Variants in PTPRG observed in about 807,000 individuals in gnomAD.
The protein encoded by PTPRG is receptor-type tyrosine-protein phosphatase gamma.
A neutral mutation model predicts 165.3 loss-of-function variants in PTPRG; 102 were observed. That is an observed-to-expected ratio of 0.62 (90% CI 0.53 to 0.73). PTPRG has a LOEUF of 0.73. PTPRG is among the 30% of genes least tolerant of loss of function. The pLI, the probability that PTPRG is intolerant of heterozygous loss-of-function variation, is 0.00. For synonymous variants in PTPRG, 675 were observed against 669.5 expected, an observed-to-expected ratio of 1.01 and a Z score of -0.13; for missense variants, 1,866 against 1,861.4, an observed-to-expected ratio of 1.00 and a Z score of -0.05.
At chr3:61,924,333 C>T (rs1256282752) in intron 2 of PTPRG, among the ~76,000 whole-genome samples, 1 of 152,202 alleles carries the variant, frequency 6.6e-6, no homozygotes, top group Non-Finnish European at 1.5e-5. Flanking sequence ...ATCCTGCCTA[C>T]CACCAGCCCA....
intron 1 of PTPRG, among the ~76,000 whole-genome samples, chr3:61,692,600 G>A (rs1330962316): frequency 6.6e-6 from 1 of 152,066 alleles, no homozygotes; most frequent in Non-Finnish European, 1.5e-5. Flanking sequence ...GGGTGGGGCC[G>A]TTTTATAGGA....
intron 1 of PTPRG, among the ~76,000 whole-genome samples, chr3:61,703,605 C>T (rs147203863): frequency 6.8e-4 from 103 of 152,290 alleles, no homozygotes; most frequent in Non-Finnish European, 1.2e-3. Context: ...TTAGTTTCTC[C>T]TGCCTCGCTC....
intron 14 of PTPRG, among the ~76,000 whole-genome samples, chr3:62,236,464 C>A (rs944367908): frequency 2.0e-5 from 3 of 152,096 alleles, no homozygotes; most frequent in African/African-American, 7.2e-5. Flanking sequence ...GATATTAATG[C>A]GATTTCTTTT....
intron 16 of PTPRG, among the ~76,000 whole-genome samples, chr3:62,258,843 C>T (rs1281097190): frequency 2.6e-5 from 4 of 152,124 alleles, no homozygotes; most frequent in Non-Finnish European, 5.9e-5. Flanking sequence ...AGTAGTTTCC[C>T]AGAGTAGTAT....
chr3:62,166,958 T>C (rs867532535), intron 7 of PTPRG, among the ~76,000 whole-genome samples: 3 of 152,124 alleles, frequency 2.0e-5, no homozygotes, highest in Admixed American at 6.5e-5. Context: ...GCTGGAATTA[T>C]AGGCTTGAGT....
chr3:61,726,187 A>C (rs2106811656), intron 1 of PTPRG, among the ~76,000 whole-genome samples: 1 of 152,308 alleles, frequency 6.6e-6, no homozygotes, highest in Non-Finnish European at 1.5e-5. Flanking sequence ...TCTTATCTTC[A>C]GACTTCAGTC....
intron 5 of PTPRG, among the ~76,000 whole-genome samples, chr3:62,114,231 G>A (rs1054143925): frequency 1.6e-4 from 24 of 152,064 alleles, no homozygotes; most frequent in African/African-American, 2.7e-4. Flanking sequence ...CTTGGGAGGC[G>A]GAGGTTGTAG....
chr3:61,980,151 A>G (rs1318290577), intron 2 of PTPRG, among the ~76,000 whole-genome samples: 1 of 152,214 alleles, frequency 6.6e-6, no homozygotes, highest in African/African-American at 2.4e-5. Flanking sequence ...ATACAAAGAA[A>G]GGAAATCCTG....
intron 1 of PTPRG, among the ~76,000 whole-genome samples, chr3:61,603,583 A>G (rs2106853154): frequency 6.6e-6 from 1 of 152,298 alleles, no homozygotes; most frequent in Middle Eastern, 3.4e-3. Flanking sequence ...ACCATTACAA[A>G]ATGCTACAAA....
chr3:61,886,662 A>G (rs1312800179), intron 2 of PTPRG, among the ~76,000 whole-genome samples: 2 of 152,162 alleles, frequency 1.3e-5, no homozygotes, highest in Admixed American at 6.5e-5. Context: ...GGGCTGTTTG[A>G]TGCAAGACAT....
At chr3:61,890,347 C>T (rs6445240) in intron 2 of PTPRG, among the ~76,000 whole-genome samples, 24,011 of 149,466 alleles carry the variant, frequency 0.16, 4,038 homozygotes, top group African/African-American at 0.43. Flanking sequence ...AAGCGCAGCA[C>T]TTTGCTGTGC....
intron 1 of PTPRG, among the ~76,000 whole-genome samples, chr3:61,629,612 G>A (rs1347748003): frequency 6.6e-6 from 1 of 152,360 alleles, no homozygotes; most frequent in South Asian, 2.1e-4. Flanking sequence ...CCACGGTGTA[G>A]TAGAGAGAGG....
intron 8 of PTPRG, among the ~76,000 whole-genome samples, chr3:62,168,768 G>T (rs968028086): frequency 6.6e-6 from 1 of 152,176 alleles, no homozygotes; most frequent in Admixed American, 6.5e-5. Flanking sequence ...CAGCCTTGCC[G>T]TCTGTGGACA....
chr3:62,234,972 A>G (rs1700994604), intron 14 of PTPRG, among the ~76,000 whole-genome samples: 1 of 152,022 alleles, frequency 6.6e-6, no homozygotes, highest in Non-Finnish European at 1.5e-5. Flanking sequence ...TTTTAAAAAA[A>G]ATACTGTAAT....
chr3:62,270,380 T>C (rs1702021521), intron 20 of PTPRG, among the ~76,000 whole-genome samples: 1 of 152,194 alleles, frequency 6.6e-6, no homozygotes, highest in African/African-American at 2.4e-5. Context: ...ATAACATGAA[T>C]ATCAGTAGCA....
chr3:61,879,848 C>G (rs2037837081), intron 2 of PTPRG, among the ~76,000 whole-genome samples: 1 of 152,144 alleles, frequency 6.6e-6, no homozygotes, highest in African/African-American at 2.4e-5. Context: ...TATTTTTATC[C>G]TAGCTCAGCT....
chr3:61,621,051 A>ATATATATATATGTGTGTGTGTGTG, intron 1 of PTPRG, among the ~76,000 whole-genome samples: 23 of 117,936 alleles, frequency 2.0e-4, no homozygotes, highest in Admixed American at 4.7e-4. Context: ...ATATATATAT[A>ATATATATATATGTGTGTGTGTGTG]TGTGTGTGTG....
chr3:61,666,999 AC>A (rs952115990), intron 1 of PTPRG, among the ~76,000 whole-genome samples: 17 of 151,870 alleles, frequency 1.1e-4, no homozygotes, highest in African/African-American at 2.7e-4. Flanking sequence ...CCTCTCCCTT[AC>A]CCCCCCAATT....
intron 2 of PTPRG, among the ~76,000 whole-genome samples, chr3:61,970,840 T>C (rs1052090681): frequency 6.6e-6 from 1 of 152,230 alleles, no homozygotes; most frequent in Non-Finnish European, 1.5e-5. Context: ...TGGGAACTTA[T>C]ACCTGCCACT....
Sources: gnomAD v4.1 joint callset for allele counts (sites outside exome capture counted in the v4.1 genomes callset) on GRCh38, gnomAD v4.1.1 for gene constraint, MANE v1.5 for transcripts, NCBI Gene and HGNC (gene_info 2026-07-23, HGNC 2026-07-21) for gene names.